Variants in RFFL observed in about 807,000 individuals in gnomAD.
RFFL encodes ring finger and FYVE like domain containing E3 ubiquitin protein ligase, also known as E3 ubiquitin-protein ligase rififylin.
In RFFL, 16 loss-of-function variants were observed where a neutral mutation model predicts 40.4. The ratio of observed to expected loss-of-function variants is 0.40; its 90% CI spans 0.27 to 0.60. RFFL has a LOEUF of 0.60. RFFL is among the 20% of genes least tolerant of loss of function. RFFL has a pLI of 0.47. For synonymous variants in RFFL, 154 were observed against 167.9 expected (o/e 0.92, Z 0.64); for missense variants, 367 against 451.7 (o/e 0.81, Z 1.70).
chr17:35,088,305 T>A (rs1389907586), intron 1 of RFFL, among the ~76,000 whole-genome samples: 4 of 152,080 alleles, frequency 2.6e-5, no homozygotes, highest in Non-Finnish European at 5.9e-5. Context: ...CACGGTACAC[T>A]CTTGATTACA....
At chr17:35,034,115 T>C (rs1022281618) in intron 1 of RFFL, among the ~76,000 whole-genome samples, 2 of 150,082 alleles carry the variant, frequency 1.3e-5, no homozygotes, top group Admixed American at 6.6e-5. Context: ...TGTACTCCAG[T>C]CTGGGTGACA....
chr17:35,088,780 C>A (rs913557770), intron 1 of RFFL: 1 of 152,280 alleles, frequency 6.6e-6, no homozygotes, highest in Admixed American at 6.5e-5. Flanking sequence ...GGTATCTTTT[C>A]CCCACAAGCC....
At chr17:35,029,398 G>A (rs1453822550) in intron 1 of RFFL, among the ~76,000 whole-genome samples, 2 of 149,460 alleles carry the variant, frequency 1.3e-5, no homozygotes, top group South Asian at 4.3e-4. Context: ...GGCTGGAGTG[G>A]AGTAGCATGA....
At position 35,007,411 on chromosome 17, in the gene RFFL, A is replaced by G. The variant is rs1320100938; in HGVS notation, c.*4557T>C. On this transcript the variant is annotated 3_prime_UTR_variant, in exon 7 of 7. Transcript: ENST00000394597. Reference sequence around the variant, plus strand: ...CAATGCAGCCCTCAACATCATCATCATAAATCTCTCCAGCAGAATGCTGGA... The same window carrying G: ...CAATGCAGCCCTCAACATCATCATCGTAAATCTCTCCAGCAGAATGCTGGA... 1 of 152,210 alleles carries G rather than the reference A, an allele frequency of 6.6e-6. No homozygotes were observed. The highest frequency in any genetic ancestry group is 1.5e-5 in the Non-Finnish European group (1 of 68,078). 9.4% of individuals were successfully genotyped at this position (152,210 alleles called of 1,614,324 possible). A position where few individuals can be genotyped will look rare whatever the true frequency, so the allele number is the denominator to read the frequency against.
intron 1 of RFFL, among the ~76,000 whole-genome samples, chr17:35,082,725 T>C (rs1448488356): frequency 3.3e-5 from 5 of 152,230 alleles, no homozygotes; most frequent in Admixed American, 2.0e-4. Context: ...GCTTACAATA[T>C]ACAAAAAACA....
intron 1 of RFFL, among the ~76,000 whole-genome samples, chr17:35,032,942 C>T (rs1425074536): frequency 6.6e-6 from 1 of 152,022 alleles, no homozygotes; most frequent in Non-Finnish European, 1.5e-5. Flanking sequence ...GGAAAGTGTC[C>T]ATGTGTGCTC....
chr17:35,047,436 G>T (rs191653373), intron 1 of RFFL, among the ~76,000 whole-genome samples: 1 of 152,158 alleles, frequency 6.6e-6, no homozygotes, highest in Non-Finnish European at 1.5e-5. Flanking sequence ...TTAAAATAAC[G>T]CATGTCAAAG....
chr17:35,020,257 G>A (rs957470112), intron 3 of RFFL, among the ~76,000 whole-genome samples: 5 of 151,964 alleles, frequency 3.3e-5, no homozygotes, highest in African/African-American at 1.2e-4. Flanking sequence ...TATAGATCAA[G>A]GGTCCCCAAC....
At chr17:35,072,108 C>T (rs2091353700) in intron 1 of RFFL, among the ~76,000 whole-genome samples, 1 of 152,134 alleles carries the variant, frequency 6.6e-6, no homozygotes, top group South Asian at 2.1e-4. Flanking sequence ...TGGTGAAACC[C>T]TGTCTATAAA....
intron 1 of RFFL, among the ~76,000 whole-genome samples, chr17:35,037,879 T>C (rs1411190767): frequency 1.3e-5 from 2 of 152,192 alleles, no homozygotes; most frequent in Non-Finnish European, 2.9e-5. Flanking sequence ...ATCTCCCAGG[T>C]GTTAAAAACT....
intron 1 of RFFL, among the ~76,000 whole-genome samples, chr17:35,038,636 A>G (rs2091142048): frequency 6.6e-6 from 1 of 152,240 alleles, no homozygotes; most frequent in Non-Finnish European, 1.5e-5. Flanking sequence ...TCTTATGTTG[A>G]GCAAAAGCAG....
intron 1 of RFFL, among the ~76,000 whole-genome samples, chr17:35,040,590 G>A (rs1435036536): frequency 1.6e-4 from 24 of 148,368 alleles, no homozygotes; most frequent in South Asian, 1.1e-3. Context: ...GCGACAGAGC[G>A]AGACTCTCTC....
At chr17:35,038,773 A>G (rs1324850740) in intron 1 of RFFL, among the ~76,000 whole-genome samples, 1 of 152,230 alleles carries the variant, frequency 6.6e-6, no homozygotes, top group East Asian at 1.9e-4. Flanking sequence ...AGGCAGCCCA[A>G]GGGGCTTCTG....
At chr17:35,042,382 C>A (rs1025068234) in intron 1 of RFFL, 3 of 152,216 alleles carry the variant, frequency 2.0e-5, no homozygotes, top group African/African-American at 7.2e-5. Flanking sequence ...GGTGACAACA[C>A]AATGAGCATA....
chr17:35,088,451 G>T (rs920420617), intron 1 of RFFL, among the ~76,000 whole-genome samples: 1 of 152,124 alleles, frequency 6.6e-6, no homozygotes, highest in Non-Finnish European at 1.5e-5. Flanking sequence ...GGCTCCCCTG[G>T]TTCGCCAGAC....
intron 1 of RFFL, among the ~76,000 whole-genome samples, chr17:35,037,556 C>G (rs182659228): frequency 6.6e-6 from 1 of 152,336 alleles, no homozygotes; most frequent in Non-Finnish European, 1.5e-5. Flanking sequence ...TTGCCAGGCA[C>G]TGAGATAGGT....
At chr17:35,030,602 T>C (rs2091076697) in intron 1 of RFFL, among the ~76,000 whole-genome samples, 3 of 151,036 alleles carry the variant, frequency 2.0e-5, no homozygotes, top group Non-Finnish European at 3.0e-5. Context: ...GCCCAGCCAA[T>C]TTTTGTATTT....
intron 2 of RFFL, among the ~76,000 whole-genome samples, chr17:35,024,543 G>T (rs1173831614): frequency 1.3e-5 from 2 of 152,194 alleles, no homozygotes; most frequent in Non-Finnish European, 2.9e-5. Flanking sequence ...TGTGGCAAAA[G>T]TACAGCCTGC....
At chr17:35,017,165 T>C (rs1357475484) in intron 4 of RFFL, among the ~76,000 whole-genome samples, 2 of 152,018 alleles carry the variant, frequency 1.3e-5, no homozygotes, top group Admixed American at 1.3e-4. Context: ...CCTGGCTAAT[T>C]GTCTGACCTC....
Sources: gnomAD v4.1 joint callset for allele counts (sites outside exome capture counted in the v4.1 genomes callset) on GRCh38, gnomAD v4.1.1 for gene constraint, MANE v1.5 for transcripts, NCBI Gene and HGNC (gene_info 2026-07-23, HGNC 2026-07-21) for gene names.